Variants in CTNND2 observed in about 807,000 individuals in gnomAD.
CTNND2 encodes the protein catenin delta 2, also known as catenin delta-2.
A neutral mutation model predicts 144.4 loss-of-function variants in CTNND2; 22 were observed. The ratio of observed to expected loss-of-function variants is 0.15; its 90% CI spans 0.11 to 0.22. The LOEUF (loss-of-function observed/expected upper bound fraction) is 0.22, where lower values mean the gene tolerates loss of function less well. Among genes scored for constraint, CTNND2 ranks in the 10% least tolerant of loss-of-function variants. The pLI, the probability that CTNND2 is intolerant of heterozygous loss-of-function variation, is 1.00. For synonymous variants in CTNND2, 751 were observed against 695.6 expected (o/e 1.08, Z -1.25); for missense variants, 1,353 against 1,618.8 (o/e 0.84, Z 2.82).
At chr5:11,008,754 G>A (rs1274739560) in intron 18 of CTNND2, among the ~76,000 whole-genome samples, 1 of 152,178 alleles carries the variant, frequency 6.6e-6, no homozygotes, top group Non-Finnish European at 1.5e-5. Flanking sequence ...ATTAGGCTGA[G>A]GGTGGAAGCG....
intron 9 of CTNND2, among the ~76,000 whole-genome samples, chr5:11,283,751 A>G (rs866040470): frequency 6.6e-6 from 1 of 151,282 alleles, no homozygotes; most frequent in South Asian, 2.1e-4. Flanking sequence ...AAAATGAAGA[A>G]GCTAATTTAA....
At chr5:11,213,423 C>G (rs1460926362) in intron 10 of CTNND2, among the ~76,000 whole-genome samples, 3 of 152,112 alleles carry the variant, frequency 2.0e-5, no homozygotes, top group African/African-American at 7.2e-5. Flanking sequence ...TTCTATTGAA[C>G]ACAAAGAAAG....
At chr5:11,875,195 T>C (rs114077036) in intron 1 of CTNND2, among the ~76,000 whole-genome samples, 81 of 152,204 alleles carry the variant, frequency 5.3e-4, no homozygotes, top group African/African-American at 1.8e-3. Flanking sequence ...TTGTTCAGGG[T>C]TTCAAACTCT....
intron 1 of CTNND2, among the ~76,000 whole-genome samples, chr5:11,799,724 A>C (rs1405952946): frequency 6.6e-6 from 1 of 152,210 alleles, no homozygotes; most frequent in Non-Finnish European, 1.5e-5. Context: ...ATTTTGAAAC[A>C]TAATGAAACA....
In CTNND2 at chr5:11,470,980, A is replaced by AT. The variant is rs1171276873; in HGVS notation, c.288-58912dup. ...TATATATATATATATATATATATAT[A>AT]TTTTTTTTTTTTTTTTAGATGGAGT... On this transcript the variant is annotated intron_variant, in intron 3 of 21. Transcript: ENST00000304623. Among the ~76,000 whole-genome samples the AT allele has an allele frequency of 9.3e-3, 855 of 91,512 alleles. 31 individuals carry two copies. The highest frequency in any genetic ancestry group is 0.042 in the African/African-American group (722 of 17,378). 60.0% of individuals were successfully genotyped at this position (91,512 alleles called of 152,430 possible).
chr5:11,687,916 GAGAA>G (rs1784729864), intron 2 of CTNND2, among the ~76,000 whole-genome samples: 1 of 152,172 alleles, frequency 6.6e-6, no homozygotes, highest in Non-Finnish European at 1.5e-5. Flanking sequence ...ACAGAAATCT[GAGAA>G]AGAAACATCT....
intron 9 of CTNND2, among the ~76,000 whole-genome samples, chr5:11,312,069 CCAT>C (rs1751003685): frequency 9.5e-6 from 1 of 105,684 alleles, no homozygotes; most frequent in Non-Finnish European, 2.3e-5. Flanking sequence ...CACCCTTACC[CCAT>C]ACATTCATAA....
At chr5:11,747,721 A>C (rs1156823980) in intron 1 of CTNND2, among the ~76,000 whole-genome samples, 1 of 152,150 alleles carries the variant, frequency 6.6e-6, no homozygotes, top group East Asian at 1.9e-4. Context: ...AAAAAAACAA[A>C]ACAAAACAAA....
intron 11 of CTNND2, among the ~76,000 whole-genome samples, chr5:11,174,063 G>A (rs994454042): frequency 1.3e-5 from 2 of 152,148 alleles, no homozygotes; most frequent in Non-Finnish European, 2.9e-5. Flanking sequence ...CTGGCAGCTC[G>A]GCTGGATGTG....
At chr5:11,723,531 C>A (rs953211847) in intron 2 of CTNND2, among the ~76,000 whole-genome samples, 3 of 152,166 alleles carry the variant, frequency 2.0e-5, no homozygotes, top group Non-Finnish European at 4.4e-5. Flanking sequence ...GAGACCCCTG[C>A]ACCATAAAAG....
chr5:10,977,227 C>G (rs1192617206), intron 21 of CTNND2, among the ~76,000 whole-genome samples: 1 of 152,184 alleles, frequency 6.6e-6, no homozygotes, highest in Non-Finnish European at 1.5e-5. Context: ...TACAACTGGC[C>G]TGCTCACGTG....
chr5:11,813,991 T>A lies in CTNND2; in HGVS notation c.38-81719A>T, dbSNP rs561191857. On this transcript the variant is annotated intron_variant, in intron 1 of 21. Transcript: ENST00000304623. ...GAAGCATAATCTATTACAACTACCA[T>A]GAAATTACTAATAGAATGAGGCTAT... is the stretch of plus-strand genomic sequence containing the variant. 4.6e-5 allele frequency among the ~76,000 whole-genome samples: 7 copies of A among 152,350 alleles called. No individual in the cohort carries two copies. In the South Asian group the frequency reaches 1.4e-3, roughly 32 times the overall value.
chr5:11,282,652 G>A (rs1465928705), intron 9 of CTNND2, among the ~76,000 whole-genome samples: 1 of 152,018 alleles, frequency 6.6e-6, no homozygotes, highest in African/African-American at 2.4e-5. Flanking sequence ...ATCCTAGGAG[G>A]GTATGATTTA....
At chr5:11,265,238 T>C (rs1041888940) in intron 9 of CTNND2, among the ~76,000 whole-genome samples, 1 of 152,182 alleles carries the variant, frequency 6.6e-6, no homozygotes, top group Non-Finnish European at 1.5e-5. Context: ...CATTAGTGTC[T>C]CAAACAATCT....
chr5:11,225,825 C>T (rs879815932), intron 10 of CTNND2, among the ~76,000 whole-genome samples: 5 of 152,196 alleles, frequency 3.3e-5, no homozygotes, highest in African/African-American at 7.2e-5. Context: ...GACCTACAAA[C>T]GTGACCTTGT....
chr5:11,627,270 A>G (rs528813112), intron 2 of CTNND2, among the ~76,000 whole-genome samples: 9 of 152,184 alleles, frequency 5.9e-5, no homozygotes, highest in African/African-American at 1.7e-4. Context: ...TAATTCTTCA[A>G]GACCTATCCA....
chr5:10,987,317 C>T (rs1263456587), intron 20 of CTNND2, among the ~76,000 whole-genome samples: 1 of 152,206 alleles, frequency 6.6e-6, no homozygotes, highest in East Asian at 1.9e-4. Flanking sequence ...ACAGACTATA[C>T]AGTGACTTAA....
chr5:11,873,114 CT>C (rs1735287637), intron 1 of CTNND2, among the ~76,000 whole-genome samples: 1 of 152,052 alleles, frequency 6.6e-6, no homozygotes, highest in Admixed American at 6.6e-5. Context: ...AGGGCTATTC[CT>C]TCTAAAATCT....
At chr5:11,233,748 A>G (rs201486385) in intron 10 of CTNND2, among the ~76,000 whole-genome samples, 1,315 of 125,254 alleles carry the variant, frequency 0.01, 32 homozygotes, top group Admixed American at 0.05. Context: ...GTGTGTGTGT[A>G]TGTGTATATG....
Sources: gnomAD v4.1 joint callset for allele counts (sites outside exome capture counted in the v4.1 genomes callset) on GRCh38, gnomAD v4.1.1 for gene constraint, MANE v1.5 for transcripts, NCBI Gene and HGNC (gene_info 2026-07-23, HGNC 2026-07-21) for gene names.